Variants in FBXL20 observed in about 807,000 individuals in gnomAD.
FBXL20 encodes the protein F-box/LRR-repeat protein 20.
FBXL20 carries 11 observed loss-of-function variants against 64.0 expected under a neutral mutation model. The ratio of observed to expected loss-of-function variants is 0.17; its 90% CI spans 0.11 to 0.28. The LOEUF is 0.28. FBXL20 is among the 10% of genes least tolerant of loss of function. The pLI, the probability that FBXL20 is intolerant of heterozygous loss-of-function variation, is 1.00. For missense variants in FBXL20, 303 were observed against 526.2 expected (o/e 0.58, Z 4.15); for synonymous variants, 184 against 189.0 (o/e 0.97, Z 0.22).
intron 1 of FBXL20, among the ~76,000 whole-genome samples, chr17:39,390,573 A>T (rs1355992502): frequency 2.6e-5 from 4 of 151,818 alleles, no homozygotes. Flanking sequence ...AAAAAAAAAA[A>T]AAAAATAGCC....
At position 39,397,836 on chromosome 17, in the gene FBXL20, A is replaced by G. The variant is rs553387689; in HGVS notation, c.42+3525T>C. On this transcript the variant is annotated intron_variant, in intron 1 of 14. Coordinates refer to ENST00000264658, the MANE Select transcript of FBXL20 (RefSeq NM_032875.3). ...TTTTGCTAGTCATGCTAAAAAAAAA[A>G]GCAGGATGACAGTGGAGTCAAAAAA... 8.1e-3 allele frequency among the ~76,000 whole-genome samples: 1,223 copies of G among 151,474 alleles called. 17 individuals carry two copies. The highest frequency in any genetic ancestry group is 0.029 in the African/African-American group (1,177 of 40,976).
At chr17:39,366,101 T>TA (rs1450329005) in intron 1 of FBXL20, among the ~76,000 whole-genome samples, 3 of 152,130 alleles carry the variant, frequency 2.0e-5, no homozygotes, top group African/African-American at 7.2e-5. Flanking sequence ...CCTCAGTCTC[T>TA]AAGGTAGCTG....
intron 1 of FBXL20, among the ~76,000 whole-genome samples, chr17:39,400,295 ATAGAT>A (rs1192375730): frequency 1.3e-5 from 2 of 152,250 alleles, no homozygotes; most frequent in African/African-American, 2.4e-5. Flanking sequence ...AAATCAAAGA[ATAGAT>A]TAAACTGACA....
chr17:39,279,326 T>C (rs1179497302), intron 9 of FBXL20, among the ~76,000 whole-genome samples: 2 of 150,704 alleles, frequency 1.3e-5, no homozygotes, highest in African/African-American at 4.9e-5. Context: ...AGGGAGACCC[T>C]ATCTCTACAA....
chr17:39,394,261 T>C (rs1388446259), intron 1 of FBXL20, among the ~76,000 whole-genome samples: 4 of 151,274 alleles, frequency 2.6e-5, no homozygotes. Flanking sequence ...ACCACAGTAC[T>C]AGTTAGATTA....
At chr17:39,376,724 G>A (rs1259983270) in intron 1 of FBXL20, among the ~76,000 whole-genome samples, 1 of 152,210 alleles carries the variant, frequency 6.6e-6, no homozygotes, top group East Asian at 1.9e-4. Context: ...TAATGGAACA[G>A]AGATTTTAAC....
intron 2 of FBXL20, among the ~76,000 whole-genome samples, chr17:39,325,450 G>C (rs2047400449): frequency 6.6e-6 from 1 of 152,046 alleles, no homozygotes; most frequent in African/African-American, 2.4e-5. Context: ...TTATAAATTG[G>C]GAATGAAATA....
At chr17:39,332,633 C>T (rs998272046) in intron 2 of FBXL20, among the ~76,000 whole-genome samples, 1 of 150,206 alleles carries the variant, frequency 6.7e-6, no homozygotes, top group Non-Finnish European at 1.5e-5. Flanking sequence ...GCTCCGCCTC[C>T]TGGGTTCACG....
intron 6 of FBXL20, among the ~76,000 whole-genome samples, chr17:39,290,085 A>T (rs987113816): frequency 2.0e-5 from 3 of 148,034 alleles, no homozygotes; most frequent in African/African-American, 7.5e-5. Context: ...TCTTTTCTCT[A>T]ATTTTTGTTA....
In FBXL20 at chr17:39,317,803, G is replaced by A. The variant is rs556236555; in HGVS notation, c.105-14164C>T. ...TGCAAGCTCCTCCTCCCAGGTTCAC[G>A]CCATTCTTCTGCCTCAGCCTCCCCA... On this transcript the variant is annotated intron_variant, in intron 2 of 14. Coordinates refer to ENST00000264658, the MANE Select transcript of FBXL20 (RefSeq NM_032875.3). 2.7e-5 allele frequency among the ~76,000 whole-genome samples: 4 copies of A among 145,772 alleles called. No homozygotes were observed. The East Asian group carries it at 6.4e-4, about 23-fold the overall frequency.
intron 1 of FBXL20, among the ~76,000 whole-genome samples, chr17:39,377,394 C>T (rs2047977199): frequency 1.3e-5 from 2 of 152,108 alleles, no homozygotes; most frequent in Admixed American, 1.3e-4. Flanking sequence ...CCCAAATGCT[C>T]GGGGGTGGGG....
chr17:39,307,842 G>T (rs887398320), intron 2 of FBXL20, among the ~76,000 whole-genome samples: 2 of 152,020 alleles, frequency 1.3e-5, no homozygotes, highest in African/African-American at 4.8e-5. Context: ...GTGGTGGCAA[G>T]TGCCTGTAAT....
At chr17:39,312,717 G>C (rs964061527) in intron 2 of FBXL20, among the ~76,000 whole-genome samples, 8 of 145,680 alleles carry the variant, frequency 5.5e-5, no homozygotes, top group Non-Finnish European at 1.0e-4. Context: ...GGGACTACAG[G>C]CACCTGCCAC....
chr17:39,265,489 T>C (rs2144341003), intron 12 of FBXL20, 36 bp from the exon 13 acceptor site: 1 of 1,495,102 alleles, frequency 6.7e-7, no homozygotes, highest in Non-Finnish European at 9.3e-7. Flanking sequence ...TTAGGTATAA[T>C]CCAAATAAAA....
intron 1 of FBXL20, among the ~76,000 whole-genome samples, chr17:39,348,104 G>A (rs2047651842): frequency 6.8e-6 from 1 of 146,882 alleles, no homozygotes; most frequent in Non-Finnish European, 1.5e-5. Flanking sequence ...TTTTTTGGTA[G>A]AGAGAGAGTC....
At chr17:39,316,931 G>A (rs950952910) in intron 2 of FBXL20, among the ~76,000 whole-genome samples, 2 of 152,244 alleles carry the variant, frequency 1.3e-5, no homozygotes, top group African/African-American at 4.8e-5. Context: ...GGAGGTTGCA[G>A]TGAGCGGAGA....
chr17:39,292,184 T>A (rs2047045451), intron 6 of FBXL20, among the ~76,000 whole-genome samples: 1 of 150,646 alleles, frequency 6.6e-6, no homozygotes, highest in Admixed American at 6.6e-5. Context: ...TTTGGCATAC[T>A]TGTTTTATAA....
At chr17:39,304,199 A>C (rs527334705) in intron 2 of FBXL20, among the ~76,000 whole-genome samples, 4 of 152,298 alleles carry the variant, frequency 2.6e-5, no homozygotes, top group African/African-American at 9.6e-5. Context: ...AAGGATAATA[A>C]ATAATCTCTA....
At chr17:39,327,612 A>AC (rs562050592) in intron 2 of FBXL20, among the ~76,000 whole-genome samples, 59 of 152,014 alleles carry the variant, frequency 3.9e-4, no homozygotes, top group Admixed American at 1.4e-3. Flanking sequence ...GTACACACGC[A>AC]CCCCCCAAAA....
Sources: gnomAD v4.1 joint callset for allele counts (sites outside exome capture counted in the v4.1 genomes callset) on GRCh38, gnomAD v4.1.1 for gene constraint, MANE v1.5 for transcripts, NCBI Gene and HGNC (gene_info 2026-07-23, HGNC 2026-07-21) for gene names.